ZMYM2: variants seen among roughly 807,000 people sequenced by gnomAD.
The protein encoded by ZMYM2 is zinc finger MYM-type protein 2.
Under a neutral mutation model 162.8 loss-of-function variants are expected in ZMYM2, and 56 were observed. The ratio of observed to expected loss-of-function variants is 0.34; its 90% confidence interval spans 0.28 to 0.43. ZMYM2 has a LOEUF of 0.43. ZMYM2 is among the 20% of genes least tolerant of loss of function. The pLI is 1.00. For synonymous variants in ZMYM2, 510 were observed against 541.6 expected (o/e 0.94, Z 0.81); for missense variants, 1,275 against 1,621.8 (o/e 0.79, Z 3.67).
Position 20,036,809 on chromosome 13 carries a change from C to A in ZMYM2, c.2192C>A (p.Ser731Tyr). Residue 731 changes from serine to tyrosine, a missense_variant, in exon 12 of 25, where the codon TCT (serine) becomes TAT (tyrosine). Transcript: ENST00000610343. ...GLRCVTCNYC[S>Y]QLCKKGATKE... ...AGATGTGTTACTTGCAACTATTGTTCTCAGCTATGTAAGAAGGGAGCAACT... is the reference window on the plus strand; with the variant it reads ...AGATGTGTTACTTGCAACTATTGTTATCAGCTATGTAAGAAGGGAGCAACT... 6.2e-7 allele frequency: 1 copy of A among 1,607,790 alleles called. No individual in the cohort carries two copies. The highest frequency in any genetic ancestry group is 8.5e-7 in the Non-Finnish European group (1 of 1,176,848).
chr13:20,063,785 T>A (rs959736165), intron 18 of ZMYM2, among the ~76,000 whole-genome samples: 19 of 136,290 alleles, frequency 1.4e-4, no homozygotes, highest in African/African-American at 2.7e-4. Context: ...TCTCAAAAAA[T>A]ATATATATAT....
the ZMYM2 span, among the ~76,000 whole-genome samples, chr13:19,916,883 A>G: frequency 6.6e-6 from 1 of 152,080 alleles, no homozygotes; most frequent in South Asian, 2.1e-4. Flanking sequence ...TAAAAATAAC[A>G]CTTTTAAAAT....
intron 6 of ZMYM2, among the ~76,000 whole-genome samples, chr13:20,014,611 G>A (rs1318761531): frequency 6.6e-6 from 1 of 151,772 alleles, no homozygotes; most frequent in Non-Finnish European, 1.5e-5. Flanking sequence ...ATTTTAAAAT[G>A]ACCAACTTTT....
intron 23 of ZMYM2, 63 bp from the exon 24 acceptor site, chr13:20,083,593 A>T: frequency 7.9e-7 from 1 of 1,265,612 alleles, no homozygotes; most frequent in Non-Finnish European, 1.1e-6. Context: ...AGACACTAGG[A>T]GTGATGTTTA....
At chr13:19,987,708 T>C (rs1250465390) in intron 2 of ZMYM2, among the ~76,000 whole-genome samples, 1 of 147,290 alleles carries the variant, frequency 6.8e-6, no homozygotes, top group Non-Finnish European at 1.5e-5. Flanking sequence ...CTCGAACTCC[T>C]GAGCTCAGAC....
intron 1 of ZMYM2, among the ~76,000 whole-genome samples, chr13:19,959,681 C>T (rs985233336): frequency 1.3e-5 from 2 of 152,108 alleles, no homozygotes; most frequent in African/African-American, 4.8e-5. Context: ...GTTTTCCCTT[C>T]CCCCCTCCCT....
intron 3 of ZMYM2, among the ~76,000 whole-genome samples, chr13:19,994,812 C>T (rs775247878): frequency 6.6e-6 from 1 of 151,866 alleles, no homozygotes; most frequent in Non-Finnish European, 1.5e-5. Flanking sequence ...TTTCTACTTT[C>T]CCTGTGCTTA....
chr13:20,068,540 C>T (rs1441985673), intron 21 of ZMYM2, among the ~76,000 whole-genome samples: 1 of 152,040 alleles, frequency 6.6e-6, no homozygotes. Flanking sequence ...AAAATCCAAA[C>T]AATGATGAAT....
the ZMYM2 span, among the ~76,000 whole-genome samples, chr13:19,926,199 G>A: frequency 6.6e-6 from 1 of 151,410 alleles, no homozygotes; most frequent in African/African-American, 2.4e-5. Flanking sequence ...GACCTCAGGT[G>A]TTCCACCCAC....
At chr13:19,984,988 A>G (rs1362318650) in intron 2 of ZMYM2, among the ~76,000 whole-genome samples, 1 of 152,246 alleles carries the variant, frequency 6.6e-6, no homozygotes, top group African/African-American at 2.4e-5. Context: ...CAAATAACTT[A>G]TATATTAAAA....
intron 18 of ZMYM2, among the ~76,000 whole-genome samples, chr13:20,063,403 T>TA (rs774452570): frequency 0.1 from 12,703 of 121,098 alleles, 733 homozygotes; most frequent in Middle Eastern, 0.21. Context: ...ACCCTGTCTT[T>TA]AAAAAAAAAA....
Position 20,019,593 on chromosome 13 carries a change from A to G in ZMYM2, c.1559A>G (p.Gln520Arg). The G allele has an allele frequency of 6.3e-7, 1 of 1,597,860 alleles. No homozygotes were observed. Among genetic ancestry groups the G allele is most frequent in the Non-Finnish European group, 8.5e-7 (1 of 1,171,630 alleles). ...SFLKEVRDHM[Q>R]DSFLMQPEKY... is the part of the protein sequence containing the mutation. Reference sequence around the variant, plus strand: ...CTGAAGGAGGTTCGAGATCACATGCAGGACTCTTTCTTAATGCAGCCTGAG... The same window carrying G: ...CTGAAGGAGGTTCGAGATCACATGCGGGACTCTTTCTTAATGCAGCCTGAG... The change falls in exon 7 of 25, where the codon CAG (glutamine) becomes CGG (arginine). Residue 520 changes from glutamine (Q) to arginine (R), a missense_variant. Around this residue, in one of 10 missense-constraint regions of ZMYM2, gnomAD observed 276 missense variants for 311.8 expected, o/e 0.89. Transcript: ENST00000610343.
intron 2 of ZMYM2, among the ~76,000 whole-genome samples, chr13:19,971,244 G>GTGTATATATATATATATATATATATA (rs5802035): frequency 4.0e-5 from 2 of 50,134 alleles, no homozygotes; most frequent in African/African-American, 6.6e-5. Flanking sequence ...GTGTGTGTGT[G>GTGTATATATATATATATATATATATA]TATATATATA....
chr13:20,036,234 C>CA (rs1953687162), intron 11 of ZMYM2, among the ~76,000 whole-genome samples: 1 of 148,984 alleles, frequency 6.7e-6, no homozygotes, highest in Admixed American at 6.8e-5. Context: ...GACTAGATAA[C>CA]AAAAGTATTT....
the ZMYM2 span, among the ~76,000 whole-genome samples, chr13:19,877,415 C>T: frequency 6.6e-6 from 1 of 152,060 alleles, no homozygotes; most frequent in African/African-American, 2.4e-5. Flanking sequence ...CCAATGAAGC[C>T]AGACTCCTTT....
intron 3 of ZMYM2, among the ~76,000 whole-genome samples, chr13:19,995,368 A>G (rs1427628650): frequency 2.0e-5 from 3 of 152,074 alleles, no homozygotes; most frequent in Non-Finnish European, 4.4e-5. Flanking sequence ...ATTTTTAAAA[A>G]TTATTTTTAT....
the ZMYM2 span, among the ~76,000 whole-genome samples, chr13:19,874,701 T>G: frequency 6.6e-6 from 1 of 151,744 alleles, no homozygotes; most frequent in African/African-American, 2.4e-5. Flanking sequence ...TTGCCAATGT[T>G]TGCCATGTAA....
chr13:20,048,400 A>C (rs898730727), intron 12 of ZMYM2, among the ~76,000 whole-genome samples: 1 of 151,974 alleles, frequency 6.6e-6, no homozygotes, highest in Non-Finnish European at 1.5e-5. Flanking sequence ...TTTGCATAGT[A>C]CCCAATCACC....
At chr13:20,068,457 TAC>T (rs1417812406) in intron 21 of ZMYM2, 2 of 158,768 alleles carry the variant, frequency 1.3e-5, no homozygotes, top group South Asian at 2.0e-4. Context: ...TCTAAACAAG[TAC>T]AGAGTGTTTA....
Sources: gnomAD v4.1 joint callset for allele counts (sites outside exome capture counted in the v4.1 genomes callset) on GRCh38, gnomAD v4.1.1 for gene constraint, gnomAD v4.1.1 regional missense constraint, MANE v1.5 for transcripts, NCBI Gene and HGNC (gene_info 2026-07-23, HGNC 2026-07-21) for gene names.